The following SLC36A1 variants were observed in gnomAD, a reference collection of about 807,000 sequenced individuals.
SLC36A1 encodes solute carrier family 36 member 1.
In SLC36A1, 30 loss-of-function variants were observed where a neutral mutation model predicts 47.5. The ratio of observed to expected loss-of-function variants is 0.63; its 90% CI spans 0.47 to 0.86. SLC36A1 has a LOEUF of 0.86. Among genes scored for constraint, SLC36A1 ranks in the 40% least tolerant of loss-of-function variants. SLC36A1 has a pLI of 0.00. For missense variants in SLC36A1, 517 were observed against 606.0 expected (o/e 0.85, Z 1.54); for synonymous variants, 255 against 249.7 (o/e 1.02, Z -0.20).
At chr5:151,428,428 C>T in the SLC36A1 span, among the ~76,000 whole-genome samples, 1 of 152,104 alleles carries the variant, frequency 6.6e-6, no homozygotes, top group African/African-American at 2.4e-5. Flanking sequence ...AACTCATTCC[C>T]CTGGCTGCAT....
chr5:151,459,454 G>A (rs1755185824), intron 2 of SLC36A1, among the ~76,000 whole-genome samples: 1 of 152,196 alleles, frequency 6.6e-6, no homozygotes. Flanking sequence ...CAGAAACTGG[G>A]ACCCCAGACT....
the SLC36A1 span, chr5:151,512,457 C>T: frequency 6.2e-7 from 1 of 1,614,238 alleles, no homozygotes; most frequent in Non-Finnish European, 8.5e-7. This position sits in a 1 kb window ranked among gnomAD's most constrained non-coding sequence, Gnocchi z 4.1. Flanking sequence ...AGGTGTTGCC[C>T]ATGCTGTCAA....
rs764663711 is a variant in SLC36A1, at chr5:151,476,691, TC to T, written c.925del (p.Leu309TrpfsTer14). 9 of 1,613,792 alleles carry T rather than the reference TC, an allele frequency of 5.6e-6. No homozygotes were observed. The highest frequency in any genetic ancestry group is 7.6e-6 in the Non-Finnish European group (9 of 1,179,816). On this transcript the variant is annotated frameshift_variant, in exon 9 of 11. Coordinates refer to ENST00000243389, the MANE Select transcript of SLC36A1 (RefSeq NM_078483.4). LOFTEE classifies it high-confidence loss of function. ...VTILYISLGCLGYLQFGANIQ... is the reference protein window; with the variant it reads ...VTILYISLGCXGYLQFGANIQ... ...CCATCCTCTACATCAGCCTGGGGTG[TC>T]TGGGGTACCTGCAATTTGGAGCTAA...
the SLC36A1 span, among the ~76,000 whole-genome samples, chr5:151,383,504 A>G: frequency 6.7e-6 from 1 of 149,060 alleles, no homozygotes; most frequent in Non-Finnish European, 1.5e-5. Flanking sequence ...CAGCATTGTT[A>G]TCATGTCTTA....
the SLC36A1 span, among the ~76,000 whole-genome samples, chr5:151,390,488 C>T: frequency 6.6e-6 from 1 of 152,134 alleles, no homozygotes; most frequent in Admixed American, 6.6e-5. Context: ...AGCCATGCCT[C>T]TGTCCTGAAT....
chr5:151,388,781 A>C, the SLC36A1 span, among the ~76,000 whole-genome samples: 1 of 152,138 alleles, frequency 6.6e-6, no homozygotes, highest in Non-Finnish European at 1.5e-5. Context: ...AATTTAGGGG[A>C]CCTGAAATAA....
chr5:151,468,270 T>A (rs867179544), intron 7 of SLC36A1, among the ~76,000 whole-genome samples: 3,004 of 64,754 alleles, frequency 0.046, 247 homozygotes, highest in African/African-American at 0.16. Context: ...AAAAAAAATA[T>A]ATATATATAT....
At chr5:151,555,954 A>G in the SLC36A1 span, among the ~76,000 whole-genome samples, 1,467 of 152,298 alleles carry the variant, frequency 9.6e-3, 21 homozygotes, top group African/African-American at 0.034. Flanking sequence ...AAGAGCACAG[A>G]TCTAGAAGAC....
chr5:151,500,180 C>T, the SLC36A1 span, among the ~76,000 whole-genome samples: 2 of 152,112 alleles, frequency 1.3e-5, no homozygotes, highest in African/African-American at 2.4e-5. Context: ...ATTTATTTCG[C>T]GAACCCAAAC....
At chr5:151,415,631 G>A in the SLC36A1 span, among the ~76,000 whole-genome samples, 68 of 152,106 alleles carry the variant, frequency 4.5e-4, no homozygotes, top group Admixed American at 7.2e-4. Context: ...CTACTACAAG[G>A]TCATAAAACT....
chr5:151,393,553 T>C, the SLC36A1 span, among the ~76,000 whole-genome samples: 10 of 152,344 alleles, frequency 6.6e-5, no homozygotes, highest in Middle Eastern at 3.4e-3. Flanking sequence ...GTTGTTCCTT[T>C]CCATGTTGAG....
chr5:151,427,580 A>C, the SLC36A1 span, among the ~76,000 whole-genome samples: 1 of 152,156 alleles, frequency 6.6e-6, no homozygotes, highest in African/African-American at 2.4e-5. Flanking sequence ...TTAAGTTGTC[A>C]GGGGCCAGGA....
At chr5:151,404,121 G>A in the SLC36A1 span, among the ~76,000 whole-genome samples, 4 of 152,140 alleles carry the variant, frequency 2.6e-5, no homozygotes, top group African/African-American at 9.7e-5. Context: ...ATGTATTTAG[G>A]ATAGTAAGTC....
At chr5:151,510,430 A>G in the SLC36A1 span, 3 of 384,614 alleles carry the variant, frequency 7.8e-6, no homozygotes, top group South Asian at 3.7e-5. Context: ...GATAACAACC[A>G]TAGACACTAA....
the SLC36A1 span, among the ~76,000 whole-genome samples, chr5:151,411,471 G>A: frequency 1.2e-4 from 18 of 144,812 alleles, 6 homozygotes; most frequent in East Asian, 4.2e-3. Context: ...TGAGACCTGA[G>A]AGAACATCAG....
the SLC36A1 span, chr5:151,517,601 C>T: frequency 1.2e-6 from 2 of 1,613,370 alleles, no homozygotes; most frequent in Non-Finnish European, 1.7e-6. Flanking sequence ...TGAAATCTCT[C>T]AGGCTGGCAG....
the SLC36A1 span, chr5:151,551,750 C>A: frequency 1.5e-6 from 1 of 652,742 alleles, no homozygotes; most frequent in Non-Finnish European, 2.4e-6. Flanking sequence ...AGTTTATTCT[C>A]CCAGGGAGTC....
the SLC36A1 span, among the ~76,000 whole-genome samples, chr5:151,354,795 T>C: frequency 1.3e-5 from 2 of 152,188 alleles, no homozygotes; most frequent in African/African-American, 4.8e-5. Context: ...GAACCAATCA[T>C]TGTGACCCTA....
At chr5:151,466,072 G>A (rs182282628) in intron 5 of SLC36A1, among the ~76,000 whole-genome samples, 82 of 151,900 alleles carry the variant, frequency 5.4e-4, no homozygotes, top group African/African-American at 2.0e-3. Flanking sequence ...AGTTCTTTTG[G>A]CCAAATTATT....
Sources: allele counts gnomAD v4.1 joint callset (sites outside exome capture counted in the v4.1 genomes callset), GRCh38; gene constraint gnomAD v4.1.1; non-coding constraint Gnocchi (gnomAD v3.1); transcripts MANE v1.5; gene names NCBI Gene and HGNC (gene_info 2026-07-23, HGNC 2026-07-21).